Variants in FOCAD observed in about 807,000 individuals in gnomAD.
FOCAD encodes focadhesin, also known as KIAA1797.
FOCAD carries 198 observed loss-of-function variants against 225.6 expected under a neutral mutation model. The ratio of observed to expected loss-of-function variants is 0.88; its 90% CI spans 0.78 to 0.99. The LOEUF (loss-of-function observed/expected upper bound fraction) is 0.99. Ranked by LOEUF, FOCAD falls within the 50% of genes least tolerant of loss-of-function variation. The pLI, the probability that FOCAD is intolerant of heterozygous loss-of-function variation, is 0.00. For synonymous variants in FOCAD, 897 were observed against 755.0 expected (o/e 1.19, Z -3.08); for missense variants, 2,713 against 2,123.6 (o/e 1.28, Z -5.46).
At chr9:20,797,390 C>T (rs1020721558) in intron 11 of FOCAD, among the ~76,000 whole-genome samples, 1 of 152,186 alleles carries the variant, frequency 6.6e-6, no homozygotes, top group African/African-American at 2.4e-5. Context: ...GGCATTCAAT[C>T]TATAAATTAC....
intron 3 of FOCAD, among the ~76,000 whole-genome samples, chr9:20,719,778 CTTT>C (rs34384301): frequency 4.8e-5 from 3 of 62,110 alleles, no homozygotes; most frequent in African/African-American, 1.3e-4. Flanking sequence ...TTTTCCTAGG[CTTT>C]TTTTTTTTTT....
chr9:20,686,656 G>A (rs1377117035), intron 1 of FOCAD, among the ~76,000 whole-genome samples: 1 of 152,128 alleles, frequency 6.6e-6, no homozygotes. Context: ...GAAAATTAGG[G>A]TGATAATTTA....
At chr9:20,851,559 C>A (rs1827658794) in intron 15 of FOCAD, among the ~76,000 whole-genome samples, 1 of 151,718 alleles carries the variant, frequency 6.6e-6, no homozygotes, top group South Asian at 2.1e-4. Context: ...AGTAAATTCA[C>A]TAATAAAGTC....
chr9:20,841,766 A>T (rs1826549084), intron 15 of FOCAD, among the ~76,000 whole-genome samples: 1 of 149,126 alleles, frequency 6.7e-6, no homozygotes. Context: ...TTCCCCTTTC[A>T]TCTTTGTTAT....
chr9:20,722,617 A>G (rs1434673014), intron 4 of FOCAD, among the ~76,000 whole-genome samples: 1 of 152,252 alleles, frequency 6.6e-6, no homozygotes, highest in African/African-American at 2.4e-5. Flanking sequence ...AAAACTTACT[A>G]CTTTCTCTCT....
At chr9:20,880,545 G>A (rs1041359105) in intron 19 of FOCAD, among the ~76,000 whole-genome samples, 6 of 152,166 alleles carry the variant, frequency 3.9e-5, no homozygotes, top group African/African-American at 1.2e-4. Context: ...TTTTTCCAGA[G>A]CACAGAGCAG....
At chr9:20,863,615 C>G (rs955946044) in intron 16 of FOCAD, 1 of 151,914 alleles carries the variant, frequency 6.6e-6, no homozygotes, top group Admixed American at 6.6e-5. Context: ...TTACATGTAG[C>G]CTTTTTTTAG....
intron 21 of FOCAD, among the ~76,000 whole-genome samples, chr9:20,893,591 A>G (rs149390359): frequency 3.9e-5 from 6 of 152,256 alleles, no homozygotes; most frequent in East Asian, 3.9e-4. Context: ...AGGATATTCT[A>G]TACCCTTCAC....
chr9:20,926,186 C>G, intron 25 of FOCAD, 115 bp from the exon 26 acceptor site: 1 of 656,370 alleles, frequency 1.5e-6, no homozygotes, highest in Non-Finnish European at 2.6e-6. Flanking sequence ...ATGAAGTTTA[C>G]TTTTTGATAA....
At position 20,986,358 on chromosome 9, in the gene FOCAD, T is replaced by G; in HGVS notation, c.4799T>G (p.Leu1600Arg). 6.3e-7 allele frequency: 1 copy of G among 1,591,784 alleles called. No homozygotes were observed. The highest frequency in any genetic ancestry group is 1.1e-5 in the South Asian group (1 of 90,748). The change falls in exon 40 of 44, where the codon CTG becomes CGG. Residue 1600 changes from leucine (L) to arginine (R), a missense_variant. Transcript: ENST00000338382. The stretch of plus-strand genomic sequence containing the variant: ...CAAGGACGATTCCCCTTGGTGAACC[T>G]GACCGATATGCTGAGCGTTGCTGTG... ...VSQGRFPLVN[L>R]TDMLSVAVQH...
At chr9:20,758,870 A>G (rs1829308388) in intron 6 of FOCAD, among the ~76,000 whole-genome samples, 1 of 152,186 alleles carries the variant, frequency 6.6e-6, no homozygotes, top group South Asian at 2.1e-4. Flanking sequence ...AGAAAACCCC[A>G]CTGACTCAGC....
intron 2 of FOCAD, among the ~76,000 whole-genome samples, chr9:20,666,788 G>A (rs1321237626): frequency 6.6e-6 from 1 of 152,184 alleles, no homozygotes; most frequent in Non-Finnish European, 1.5e-5. Flanking sequence ...TGTCTGCGAA[G>A]AGTTTGATTA....
At chr9:20,684,775 C>T (rs1822559680) in intron 1 of FOCAD, 1 of 152,422 alleles carries the variant, frequency 6.6e-6, no homozygotes, top group African/African-American at 2.4e-5. Flanking sequence ...TTCCCGGTGA[C>T]TCACTCAGAT....
At chr9:20,791,046 A>G (rs1820474774) in intron 11 of FOCAD, among the ~76,000 whole-genome samples, 1 of 152,164 alleles carries the variant, frequency 6.6e-6, no homozygotes. Context: ...CCTGCTTCTA[A>G]CCAATGTTTT....
intron 21 of FOCAD, among the ~76,000 whole-genome samples, chr9:20,898,605 T>C (rs924225574): frequency 6.6e-6 from 1 of 151,928 alleles, no homozygotes; most frequent in African/African-American, 2.4e-5. Context: ...TCTGCTTACA[T>C]TGTTAATTTG....
At chr9:20,727,275 T>C (rs534585236) in intron 4 of FOCAD, among the ~76,000 whole-genome samples, 1 of 152,234 alleles carries the variant, frequency 6.6e-6, no homozygotes, top group Admixed American at 6.5e-5. Flanking sequence ...TCTAGCACAT[T>C]CTGCCCTATT....
chr9:20,693,290 A>G (rs1823087672), intron 1 of FOCAD, among the ~76,000 whole-genome samples: 1 of 152,152 alleles, frequency 6.6e-6, no homozygotes, highest in Admixed American at 6.6e-5. Flanking sequence ...TTCTGAGATG[A>G]CGAAACTGCT....
intron 35 of FOCAD, 53 bp downstream of exon 35, chr9:20,953,118 G>C: frequency 7.1e-7 from 1 of 1,401,222 alleles, no homozygotes; most frequent in Non-Finnish European, 1.0e-6. Context: ...GTTGTTATAA[G>C]TAAATTTGTG....
intron 10 of FOCAD, among the ~76,000 whole-genome samples, chr9:20,789,081 C>T (rs1241223489): frequency 6.6e-6 from 1 of 151,692 alleles, no homozygotes; most frequent in African/African-American, 2.4e-5. Flanking sequence ...GTATATTGAT[C>T]CATATATTCT....
Sources: allele counts gnomAD v4.1 joint callset (sites outside exome capture counted in the v4.1 genomes callset), GRCh38; gene constraint gnomAD v4.1.1; transcripts MANE v1.5; gene names NCBI Gene and HGNC (gene_info 2026-07-23, HGNC 2026-07-21).